FAM81A: variants seen among roughly 807,000 people sequenced by gnomAD.
The protein encoded by FAM81A is protein FAM81A.
In FAM81A, 19 loss-of-function variants were observed where a neutral mutation model predicts 46.7. The ratio of observed to expected loss-of-function variants is 0.41; its 90% CI spans 0.28 to 0.60. FAM81A has a LOEUF of 0.60. FAM81A is among the 20% of genes least tolerant of loss of function. FAM81A has a pLI of 0.34. For synonymous variants in FAM81A, 183 were observed against 152.9 expected (o/e 1.20, Z -1.45); for missense variants, 377 against 453.5 (o/e 0.83, Z 1.53).
intron 4 of FAM81A, among the ~76,000 whole-genome samples, chr15:59,500,026 T>C (rs546271426): frequency 6.6e-6 from 1 of 152,072 alleles, no homozygotes; most frequent in South Asian, 2.1e-4. Flanking sequence ...CTAATTTATG[T>C]ATTGTTGGTC....
At chr15:59,508,341 C>A (rs1246792609) in intron 5 of FAM81A, among the ~76,000 whole-genome samples, 1 of 152,174 alleles carries the variant, frequency 6.6e-6, no homozygotes, top group Non-Finnish European at 1.5e-5. Flanking sequence ...AGAAATTTCA[C>A]ACAGGACTGG....
intron 2 of FAM81A, among the ~76,000 whole-genome samples, chr15:59,418,394 T>A (rs1372855176): frequency 6.6e-6 from 1 of 152,212 alleles, no homozygotes; most frequent in African/African-American, 2.4e-5. Flanking sequence ...ACCCTGCCTT[T>A]TCCTGTTTAG....
chr15:59,401,309 A>G (rs2081069078), intron 1 of FAM81A: 1 of 828,800 alleles, frequency 1.2e-6, no homozygotes, highest in Non-Finnish European at 2.2e-6. Flanking sequence ...GCCGCCTTGC[A>G]TCACAAGGCC....
intron 1 of FAM81A, chr15:59,401,560 C>T: frequency 1.3e-6 from 1 of 776,344 alleles, no homozygotes; most frequent in East Asian, 2.4e-5. Flanking sequence ...TAACCACCCT[C>T]TTCCATGCCT....
intron 3 of FAM81A, among the ~76,000 whole-genome samples, chr15:59,487,243 ATATT>A (rs1339035291): frequency 2.1e-5 from 3 of 145,432 alleles, no homozygotes; most frequent in Non-Finnish European, 4.5e-5. Flanking sequence ...TATTATATAT[ATATT>A]AGTATAGAGT....
intron 5 of FAM81A, among the ~76,000 whole-genome samples, chr15:59,508,559 A>C (rs879612330): frequency 6.6e-6 from 1 of 152,224 alleles, no homozygotes; most frequent in Non-Finnish European, 1.5e-5. Flanking sequence ...GGTAAGGTTG[A>C]CTATCATGAC....
intron 1 of FAM81A, among the ~76,000 whole-genome samples, chr15:59,449,396 A>G (rs530078620): frequency 2.6e-5 from 4 of 152,354 alleles, no homozygotes; most frequent in African/African-American, 9.6e-5. Context: ...TTAGAAAGAA[A>G]TATGACCCTG....
intron 7 of FAM81A, 62 bp downstream of exon 7, chr15:59,514,486 AATAATAATACCT>A: frequency 6.5e-7 from 1 of 1,540,252 alleles, no homozygotes; most frequent in South Asian, 1.2e-5. Context: ...ACACTGTTTG[AATAATAATACCT>A]AGTAATTTAT....
At chr15:59,476,086 A>G (rs1028512224) in intron 3 of FAM81A, among the ~76,000 whole-genome samples, 11 of 152,212 alleles carry the variant, frequency 7.2e-5, no homozygotes, top group African/African-American at 2.4e-4. Flanking sequence ...CTTGCATGGC[A>G]GAAAGTAGAG....
At chr15:59,406,644 T>A (rs1054124362) in intron 2 of FAM81A, among the ~76,000 whole-genome samples, 2 of 152,160 alleles carry the variant, frequency 1.3e-5, no homozygotes, top group African/African-American at 4.8e-5. Context: ...CTCATGTCCA[T>A]TTTCGGTTCA....
chr15:59,406,030 A>G (rs563951098), intron 2 of FAM81A, among the ~76,000 whole-genome samples: 1 of 152,304 alleles, frequency 6.6e-6, no homozygotes, highest in East Asian at 1.9e-4. Flanking sequence ...CTCGACCCAG[A>G]AAGAGGTGGC....
chr15:59,513,981 A>C (rs1408978903), intron 6 of FAM81A, among the ~76,000 whole-genome samples: 2 of 152,182 alleles, frequency 1.3e-5, no homozygotes, highest in African/African-American at 4.8e-5. Context: ...CAGGAACAGA[A>C]AACCAAACAC....
intron 3 of FAM81A, among the ~76,000 whole-genome samples, chr15:59,476,532 A>G (rs1401471869): frequency 6.6e-6 from 1 of 152,236 alleles, no homozygotes; most frequent in South Asian, 2.1e-4. Context: ...TAATCCCATC[A>G]CTTTGGGTGT....
intron 2 of FAM81A, among the ~76,000 whole-genome samples, chr15:59,426,319 C>T (rs11855852): frequency 0.35 from 53,618 of 152,056 alleles, 10,233 homozygotes; most frequent in Non-Finnish European, 0.44. Flanking sequence ...AAGAAATACA[C>T]GTACTGACCA....
intron 3 of FAM81A, among the ~76,000 whole-genome samples, chr15:59,476,114 C>T (rs1280275127): frequency 6.6e-6 from 1 of 152,176 alleles, no homozygotes; most frequent in Non-Finnish European, 1.5e-5. Flanking sequence ...GCAAGACCTT[C>T]TTTTAAGGTA....
chr15:59,436,474 G>A (rs571132798), upstream of FAM81A, among the ~76,000 whole-genome samples: 2 of 152,284 alleles, frequency 1.3e-5, no homozygotes, highest in South Asian at 2.1e-4. Context: ...CAGAGGGGAC[G>A]TTATGTGTCC....
chr15:59,482,181 A>G (rs2081861418), intron 3 of FAM81A, among the ~76,000 whole-genome samples: 1 of 151,958 alleles, frequency 6.6e-6, no homozygotes, highest in African/African-American at 2.4e-5. Context: ...TTTTTTGTGA[A>G]TTGCTTTCCA....
chr15:59,512,788 T>A (rs1396807911), intron 6 of FAM81A, among the ~76,000 whole-genome samples: 3 of 152,162 alleles, frequency 2.0e-5, no homozygotes, highest in South Asian at 2.1e-4. Context: ...AAGGCTCCAG[T>A]CCTCGTCCCT....
At chr15:59,475,571 C>G (rs1391514140) in intron 3 of FAM81A, among the ~76,000 whole-genome samples, 3 of 152,192 alleles carry the variant, frequency 2.0e-5, no homozygotes, top group Non-Finnish European at 2.9e-5. Flanking sequence ...CTTAACCAGA[C>G]AGCACTCTTT....
Sources: allele counts gnomAD v4.1 joint callset (sites outside exome capture counted in the v4.1 genomes callset), GRCh38; gene constraint gnomAD v4.1.1; transcripts MANE v1.5; gene names NCBI Gene and HGNC (gene_info 2026-07-23, HGNC 2026-07-21).